MIR2052HG: variants seen among roughly 807,000 people sequenced by gnomAD.
MIR2052HG encodes the protein MIR2052 host gene.
intron 4 of MIR2052HG, among the ~76,000 whole-genome samples, chr8:74,713,965 G>A (rs1360379938): frequency 6.6e-6 from 1 of 152,032 alleles, no homozygotes; most frequent in Non-Finnish European, 1.5e-5. Flanking sequence ...GGGGGGAACA[G>A]AGTTAAGAAA....
intron 2 of MIR2052HG, among the ~76,000 whole-genome samples, chr8:74,670,453 C>T (rs1249148746): frequency 6.6e-6 from 1 of 152,160 alleles, no homozygotes; most frequent in African/African-American, 2.4e-5. Flanking sequence ...TATGAAATAT[C>T]TCTTTAAATT....
chr8:74,745,119 A>T (rs973081184), intron 4 of MIR2052HG, among the ~76,000 whole-genome samples: 9 of 152,022 alleles, frequency 5.9e-5, no homozygotes, highest in Non-Finnish European at 1.0e-4. Flanking sequence ...AAAAAATGAA[A>T]AATAGCCAGG....
intron 2 of MIR2052HG, among the ~76,000 whole-genome samples, chr8:74,649,530 C>T (rs1275497446): frequency 6.6e-6 from 1 of 151,518 alleles, no homozygotes; most frequent in African/African-American, 2.4e-5. Context: ...TATATACCTA[C>T]ATATATATAT....
intron 4 of MIR2052HG, among the ~76,000 whole-genome samples, chr8:74,731,807 C>CT (rs1050293507): frequency 3.3e-5 from 5 of 152,060 alleles, no homozygotes; most frequent in African/African-American, 1.2e-4. Context: ...GGGGTCCTGT[C>CT]TTTTTTGTCA....
intron 2 of MIR2052HG, among the ~76,000 whole-genome samples, chr8:74,685,731 G>A (rs532204190): frequency 2.0e-5 from 3 of 152,096 alleles, no homozygotes; most frequent in South Asian, 2.1e-4. Context: ...AACAAAAAAT[G>A]TATCACATTA....
At chr8:74,742,903 A>G (rs1456336072) in intron 4 of MIR2052HG, among the ~76,000 whole-genome samples, 2 of 152,128 alleles carry the variant, frequency 1.3e-5, no homozygotes, top group Non-Finnish European at 2.9e-5. Context: ...AATGAAGCCT[A>G]TGTCTTATTC....
In MIR2052HG at chr8:74,652,793, T is replaced by G. The variant is rs1808766685; in HGVS notation, n.216+39853T>G. Among the ~76,000 whole-genome samples the G allele has an allele frequency of 2.0e-5, 3 of 152,192 alleles. No individual in the cohort carries two copies. In the South Asian group the frequency reaches 6.2e-4, roughly 31 times the overall value. Reference sequence around the variant, plus strand: ...ACCCAGTAGAGATCAGAATTTTATGTGAACTGGCCACCAACAAGTATGCTT... The same window carrying G: ...ACCCAGTAGAGATCAGAATTTTATGGGAACTGGCCACCAACAAGTATGCTT... On this transcript the variant is annotated intron_variant and non_coding_transcript_variant, in intron 2 of 6. Coordinates refer to ENST00000523442, the Ensembl canonical transcript of MIR2052HG.
intron 4 of MIR2052HG, among the ~76,000 whole-genome samples, chr8:74,745,684 T>G (rs1407444684): frequency 2.6e-5 from 4 of 152,186 alleles, no homozygotes; most frequent in Non-Finnish European, 5.9e-5. Context: ...TTGTTGAATC[T>G]TATGAAGGAA....
At chr8:74,613,955 T>C (rs554226689) in intron 2 of MIR2052HG, among the ~76,000 whole-genome samples, 1 of 152,358 alleles carries the variant, frequency 6.6e-6, no homozygotes, top group Admixed American at 6.5e-5. Flanking sequence ...ATGGAGACAG[T>C]AGTTTTATAT....
chr8:74,720,555 G>T (rs546913316), intron 4 of MIR2052HG, among the ~76,000 whole-genome samples: 1 of 152,120 alleles, frequency 6.6e-6, no homozygotes, highest in East Asian at 1.9e-4. Context: ...TGCATTACTT[G>T]TGCCATGGTT....
At chr8:74,744,481 C>A (rs936502979) in intron 4 of MIR2052HG, among the ~76,000 whole-genome samples, 2 of 151,934 alleles carry the variant, frequency 1.3e-5, no homozygotes, top group Non-Finnish European at 2.9e-5. Context: ...CCCCCTCCCC[C>A]TACCCCACAA....
intron 2 of MIR2052HG, among the ~76,000 whole-genome samples, chr8:74,688,372 T>C (rs1375928125): frequency 6.6e-6 from 1 of 152,196 alleles, no homozygotes; most frequent in Non-Finnish European, 1.5e-5. Context: ...GATACAGATA[T>C]AGAAGACAGT....
intron 4 of MIR2052HG, among the ~76,000 whole-genome samples, chr8:74,738,966 GTTTC>G (rs1277707387): frequency 3.9e-5 from 6 of 152,156 alleles, no homozygotes; most frequent in Non-Finnish European, 8.8e-5. Flanking sequence ...CTAGTTTAAA[GTTTC>G]TTTGTTTTTC....
chr8:74,735,802 G>T (rs1341921215), intron 4 of MIR2052HG, among the ~76,000 whole-genome samples: 1 of 152,120 alleles, frequency 6.6e-6, no homozygotes, highest in African/African-American at 2.4e-5. Flanking sequence ...TCTAAATTGT[G>T]CTTGTGAAAT....
At chr8:74,614,647 T>G (rs546245916) in intron 2 of MIR2052HG, among the ~76,000 whole-genome samples, 1 of 152,226 alleles carries the variant, frequency 6.6e-6, no homozygotes, top group South Asian at 2.1e-4. Context: ...TTTCTTTTCT[T>G]TATTTCTATT....
chr8:74,678,011 G>A (rs1297788357), intron 2 of MIR2052HG, among the ~76,000 whole-genome samples: 1 of 152,012 alleles, frequency 6.6e-6, no homozygotes, highest in Non-Finnish European at 1.5e-5. Flanking sequence ...CAAATTTATA[G>A]AAAATGTTTG....
chr8:74,613,748 A>C (rs999490100), intron 2 of MIR2052HG, among the ~76,000 whole-genome samples: 1 of 152,170 alleles, frequency 6.6e-6, no homozygotes, highest in Non-Finnish European at 1.5e-5. Context: ...CCGCCTCCCA[A>C]AGTGCTGAGA....
intron 4 of MIR2052HG, among the ~76,000 whole-genome samples, chr8:74,746,567 A>ATGT (rs3221215): frequency 1.1e-4 from 16 of 147,538 alleles, no homozygotes; most frequent in Non-Finnish European, 1.3e-4. Context: ...GAGGAGAAGA[A>ATGT]GTGTGTGTGT....
intron 5 of MIR2052HG, among the ~76,000 whole-genome samples, chr8:74,753,233 G>A (rs1010978850): frequency 6.6e-5 from 10 of 152,178 alleles, no homozygotes; most frequent in African/African-American, 2.2e-4. Context: ...TTAAGTCTTC[G>A]TTACACCAAT....
Sources: gnomAD v4.1 joint callset for allele counts (sites outside exome capture counted in the v4.1 genomes callset) on GRCh38, gnomAD v4.1.1 for gene constraint, MANE v1.5 for transcripts, NCBI Gene and HGNC (gene_info 2026-07-23, HGNC 2026-07-21) for gene names.